ARL8A: variants seen among roughly 807,000 people sequenced by gnomAD.
ARL8A encodes the protein ARF like GTPase 8A.
In ARL8A, 10 loss-of-function variants were observed where a neutral mutation model predicts 31.2. The observed-to-expected ratio is 0.32, with a 90% CI of 0.20 to 0.54. ARL8A has a LOEUF of 0.54. ARL8A is among the 20% of genes least tolerant of loss of function. The probability of loss-of-function intolerance (pLI) is 0.93; values close to 1 mark genes in which losing one functional copy is unlikely to be tolerated. For missense variants in ARL8A, 129 were observed against 242.8 expected (o/e 0.53, Z 3.12); for synonymous variants, 70 against 86.9 (o/e 0.81, Z 1.08).
At position 202,135,732 on chromosome 1, in the gene ARL8A, T is replaced by C; in HGVS notation, c.347A>G (p.Asp116Gly). 1 of 1,614,098 alleles carries C rather than the reference T, an allele frequency of 6.2e-7. No individual in the cohort carries two copies. The highest frequency in any genetic ancestry group is 8.5e-7 in the Non-Finnish European group (1 of 1,179,998). ...CGGGATGCCCTGCAGCTGAGGTTTG[T>C]CCAGTAGGTTGTGGAGCTCGTTCTT... is the stretch of plus-strand genomic sequence containing the variant. ...ASKNELHNLLDKPQLQGIPVL... is the reference protein window; with the variant it reads ...ASKNELHNLLGKPQLQGIPVL... The change falls in exon 4 of 7, where the codon GAC becomes GGC. Residue 116 changes from aspartate to glycine, a missense_variant. Asp to Gly is a moderately conservative substitution (Grantham distance 94). Coordinates refer to ENST00000272217, the MANE Select transcript of ARL8A (RefSeq NM_138795.4). This position sits in a 1 kb window ranked among gnomAD's most constrained non-coding sequence, Gnocchi z 5.3.
At chr1:202,140,823 G>GTCTGAGGAAGGAGGCCCAGT (rs1455553582) in intron 1 of ARL8A, among the ~76,000 whole-genome samples, 1 of 152,100 alleles carries the variant, frequency 6.6e-6, no homozygotes, top group African/African-American at 2.4e-5. Context: ...CAACAATAGA[G>GTCTGAGGAAGGAGGCCCAGT]TCTGAGGAAG....
chr1:202,136,639 A>C (rs1655013076), intron 3 of ARL8A, among the ~76,000 whole-genome samples: 1 of 152,000 alleles, frequency 6.6e-6, no homozygotes, highest in Non-Finnish European at 1.5e-5. Context: ...GTGCAATTAC[A>C]GCTCACTGCA....
chr1:202,137,376 C>T lies in ARL8A; in HGVS notation c.278+589G>A, dbSNP rs112309455. On this transcript the variant is annotated intron_variant, in intron 3 of 6. Transcript: ENST00000272217. ...AGAGGGCTGCGCGCGGTGGCTCATGCATGTAATTTGGGAGGCCGAGGCAGG... is the reference window on the plus strand; with the variant it reads ...AGAGGGCTGCGCGCGGTGGCTCATGTATGTAATTTGGGAGGCCGAGGCAGG... Among the ~76,000 whole-genome samples the T allele has an allele frequency of 2.7e-3, 413 of 152,132 alleles. 4 individuals carry two copies. Among genetic ancestry groups the T allele is most frequent in the African/African-American group, 9.2e-3 (383 of 41,504 alleles).
intron 1 of ARL8A, among the ~76,000 whole-genome samples, chr1:202,141,662 G>GA (rs1050293180): frequency 5.5e-5 from 8 of 145,078 alleles, no homozygotes; most frequent in Non-Finnish European, 1.0e-4. Flanking sequence ...AAAGAAAAAA[G>GA]AAAAAAAAGA....
At position 202,135,904 on chromosome 1, in the gene ARL8A, GCTTGGTCAC is replaced by G; in HGVS notation, c.279-113_279-105del. The G allele has an allele frequency of 9.0e-7, 1 of 1,113,312 alleles. No individual in the cohort carries two copies. Among genetic ancestry groups the G allele is most frequent in the South Asian group, 1.3e-5 (1 of 77,194 alleles). The allele number at this position is 1,113,312 out of a possible 1,614,324, so 69.0% of individuals were successfully genotyped here. ...CTTGGAGGTGAAAGCATCTGTTGCA[GCTTGGTCAC>G]CTCGGGATCCATGGGCTACCTGGCC... On this transcript the variant is annotated intron_variant, in intron 3 of 6. Coordinates refer to ENST00000272217, the MANE Select transcript of ARL8A (RefSeq NM_138795.4). The surrounding 1 kb of genome is among the most constrained non-coding windows in gnomAD (Gnocchi z 5.3).
Position 202,134,404 on chromosome 1 carries a change from G to A in ARL8A, c.*63C>T, listed in dbSNP as rs1413929350. 4.5e-6 allele frequency: 7 copies of A among 1,542,616 alleles called. No individual in the cohort carries two copies. The highest frequency in any genetic ancestry group is 3.3e-5 in the Admixed American group (2 of 59,878). ...GCTTAGGGGGACGACAGGGGTGGGCGGGGAGCTCGGCTTCAGGTTTAGATG... is the reference window on the plus strand; with the variant it reads ...GCTTAGGGGGACGACAGGGGTGGGCAGGGAGCTCGGCTTCAGGTTTAGATG... On this transcript the variant is annotated 3_prime_UTR_variant, in exon 7 of 7. Transcript: ENST00000272217. This position sits in a 1 kb window ranked among gnomAD's most constrained non-coding sequence, Gnocchi z 4.2.
At position 202,134,091 on chromosome 1, in the gene ARL8A, AAT is replaced by A. The variant is rs1370173829; in HGVS notation, c.*374_*375del. ...GTCTTTGCTTAAATTAAAAAATTAAAATATATATACATATATATACTGTACAC... is the reference window on the plus strand; with the variant it reads ...GTCTTTGCTTAAATTAAAAAATTAAAATATATACATATATATACTGTACAC... On this transcript the variant is annotated 3_prime_UTR_variant, in exon 7 of 7. Transcript: ENST00000272217. This position sits in a 1 kb window ranked among gnomAD's most constrained non-coding sequence, Gnocchi z 4.2. 6.4e-6 allele frequency: 1 copy of A among 155,092 alleles called. No individual in the cohort carries two copies. The allele number at this position is 155,092 out of a possible 1,614,324, so 9.6% of individuals were successfully genotyped here.
chr1:202,135,856 G>A lies in ARL8A; in HGVS notation c.279-56C>T. 3 of 1,471,846 alleles carry A rather than the reference G, an allele frequency of 2.0e-6. No individual in the cohort carries two copies. Among genetic ancestry groups the A allele is most frequent in the Non-Finnish European group, 2.9e-6 (3 of 1,051,840 alleles). The allele number at this position is 1,471,846 out of a possible 1,614,324, so 91.2% of individuals were successfully genotyped here. A position where few individuals can be genotyped will look rare whatever the true frequency, so the allele number is the denominator to read the frequency against. Reference sequence around the variant, plus strand: ...TGTTGACACCACAGGCTGAGGTGGTGCAAGGAAGAGAAGGAGCTGCTGCTT... The same window carrying A: ...TGTTGACACCACAGGCTGAGGTGGTACAAGGAAGAGAAGGAGCTGCTGCTT... On this transcript the variant is annotated intron_variant, in intron 3 of 6. Coordinates refer to ENST00000272217, the MANE Select transcript of ARL8A (RefSeq NM_138795.4). This position sits in a 1 kb window ranked among gnomAD's most constrained non-coding sequence, Gnocchi z 5.3.
At position 202,138,530 on chromosome 1, in the gene ARL8A, A is replaced by G. The variant is rs1655080564; in HGVS notation, c.124-82T>C. 7.4e-7 allele frequency: 1 copy of G among 1,357,638 alleles called. No individual in the cohort carries two copies. The highest frequency in any genetic ancestry group is 1.7e-5 in the Admixed American group (1 of 57,952). The allele number at this position is 1,357,638 out of a possible 1,614,324, so 84.1% of individuals were successfully genotyped here. A position where few individuals can be genotyped will look rare whatever the true frequency, so the allele number is the denominator to read the frequency against. ...GACCAAGAGGCTGCGAGAACCATGC[A>G]GAGGCCAGGCCAGAGCTTCCTAGAC... On this transcript the variant is annotated intron_variant, in intron 1 of 6. Transcript: ENST00000272217. This position sits in a 1 kb window ranked among gnomAD's most constrained non-coding sequence, Gnocchi z 4.4.
chr1:202,143,937 A>G (rs1655232083), intron 1 of ARL8A, among the ~76,000 whole-genome samples: 1 of 152,058 alleles, frequency 6.6e-6, no homozygotes, highest in Non-Finnish European at 1.5e-5. Context: ...CTCCCCCTCA[A>G]TAGGGCCGGG....
intron 3 of ARL8A, among the ~76,000 whole-genome samples, chr1:202,136,174 A>G (rs1476482898): frequency 6.6e-6 from 1 of 152,206 alleles, no homozygotes; most frequent in African/African-American, 2.4e-5. Context: ...ACCTTAGAAG[A>G]TTTCTTTTAG....
intron 1 of ARL8A, among the ~76,000 whole-genome samples, chr1:202,141,283 C>T (rs1272084244): frequency 2.0e-5 from 3 of 152,180 alleles, no homozygotes; most frequent in Non-Finnish European, 4.4e-5. Context: ...TTGTCTCAGA[C>T]TTCAGTCCCT....
At position 202,135,662 on chromosome 1, in the gene ARL8A, C is replaced by T. The variant is rs1198972412; in HGVS notation, c.372+45G>A. On this transcript the variant is annotated intron_variant, in intron 4 of 6. Coordinates refer to ENST00000272217, the MANE Select transcript of ARL8A (RefSeq NM_138795.4). This position sits in a 1 kb window ranked among gnomAD's most constrained non-coding sequence, Gnocchi z 5.3. ...GGCTTTTACCTGCTCCCAGTGACTT[C>T]CCAGCCGAGCTCCCTCCCCATCCCG... 1 of 1,595,562 alleles carries T rather than the reference C, an allele frequency of 6.3e-7. No homozygotes were observed. Among genetic ancestry groups the T allele is most frequent in the East Asian group, 2.2e-5 (1 of 44,720 alleles).
At chr1:202,136,716 C>G (rs1348542583) in intron 3 of ARL8A, among the ~76,000 whole-genome samples, 1 of 152,150 alleles carries the variant, frequency 6.6e-6, no homozygotes, top group Non-Finnish European at 1.5e-5. Context: ...ACTACAGGTG[C>G]GTGCTACCAG....
rs1171408845 is a variant in ARL8A, at chr1:202,134,798, C to G, written c.512-282G>C. 2.0e-5 allele frequency among the ~76,000 whole-genome samples: 3 copies of G among 152,192 alleles called. No individual in the cohort carries two copies. The highest frequency in any genetic ancestry group is 7.2e-5 in the African/African-American group (3 of 41,446). On this transcript the variant is annotated intron_variant, in intron 6 of 6. Transcript: ENST00000272217. This position sits in a 1 kb window ranked among gnomAD's most constrained non-coding sequence, Gnocchi z 4.2. ...TCAAAAACAAACAAGAAGTCCAGAGCTGGCAAGCGCCACATGGCCCTGAAT... is the reference window on the plus strand; with the variant it reads ...TCAAAAACAAACAAGAAGTCCAGAGGTGGCAAGCGCCACATGGCCCTGAAT...
In ARL8A at chr1:202,134,479, T is replaced by A. The variant is rs776450461; in HGVS notation, c.549A>T (p.Ser183=). 1 of 1,613,418 alleles carries A rather than the reference T, an allele frequency of 6.2e-7. No individual in the cohort carries two copies. The highest frequency in any genetic ancestry group is 1.1e-5 in the South Asian group (1 of 91,066). The change falls in exon 7 of 7, where the codon TCA becomes TCT. Residue 183 remains serine (S), a synonymous_variant. Coordinates refer to ENST00000272217, the MANE Select transcript of ARL8A (RefSeq NM_138795.4). The surrounding 1 kb of genome is among the most constrained non-coding windows in gnomAD (Gnocchi z 4.2). ...AAGGGCTGGAGTCTCAGCTTCTCCG[T>A]GACTTCGAGTGTTGAATAAGCCACT... ...TLQWLIQHSK[S]RRS
Position 202,134,368 on chromosome 1 carries a change from A to C in ARL8A, c.*99T>G. On this transcript the variant is annotated 3_prime_UTR_variant, in exon 7 of 7. Coordinates refer to ENST00000272217, the MANE Select transcript of ARL8A (RefSeq NM_138795.4). The surrounding 1 kb of genome is among the most constrained non-coding windows in gnomAD (Gnocchi z 4.2). ...CAGAGGGCCCTCCTCACACTGGGTGAGGAGGGGTGGGCTTAGGGGGACGAC... is the reference window on the plus strand; with the variant it reads ...CAGAGGGCCCTCCTCACACTGGGTGCGGAGGGGTGGGCTTAGGGGGACGAC... 2 of 1,132,600 alleles carry C rather than the reference A, an allele frequency of 1.8e-6. No individual in the cohort carries two copies. 70.2% of individuals were successfully genotyped at this position (1,132,600 alleles called of 1,614,324 possible).
At position 202,144,683 on chromosome 1, in the gene ARL8A, T is replaced by A. The variant is rs749283151; in HGVS notation, c.-111A>T. ...GTACGGCCCGGGTCCCGCGGCTCGG[T>A]GCGGGCGGAGGCTCGAGCGCGGCTG... On this transcript the variant is annotated 5_prime_UTR_variant, in exon 1 of 7. Coordinates refer to ENST00000272217, the MANE Select transcript of ARL8A (RefSeq NM_138795.4). This position sits in a 1 kb window ranked among gnomAD's most constrained non-coding sequence, Gnocchi z 5.2. 1,663 of 1,038,016 alleles carry A rather than the reference T, an allele frequency of 1.6e-3. 1 individual carries two copies. Among genetic ancestry groups the A allele is most frequent in the Non-Finnish European group, 1.8e-3 (1,591 of 860,516 alleles). 64.3% of individuals were successfully genotyped at this position (1,038,016 alleles called of 1,614,324 possible).
At position 202,133,405 on chromosome 1, in the gene ARL8A, C is replaced by G. The variant is rs941945116; in HGVS notation, c.*1062G>C. 1 of 152,132 alleles carries G rather than the reference C, an allele frequency of 6.6e-6. No individual in the cohort carries two copies. The highest frequency in any genetic ancestry group is 1.5e-5 in the Non-Finnish European group (1 of 68,034). The allele number at this position is 152,132 out of a possible 1,614,324, so 9.4% of individuals were successfully genotyped here. On this transcript the variant is annotated 3_prime_UTR_variant, in exon 7 of 7. Coordinates refer to ENST00000272217, the MANE Select transcript of ARL8A (RefSeq NM_138795.4). ...AAGTAACCAGCACCATACACCCCCC[C>G]CAACACAAAACTGGTCATTTATTTT...
Sources: gnomAD v4.1 joint callset for allele counts (sites outside exome capture counted in the v4.1 genomes callset) on GRCh38, gnomAD v4.1.1 for gene constraint, Gnocchi (gnomAD v3.1) non-coding constraint, MANE v1.5 for transcripts, NCBI Gene and HGNC (gene_info 2026-07-23, HGNC 2026-07-21) for gene names.